Variants in ANKRD44 observed in about 807,000 individuals in gnomAD.
ANKRD44 encodes ankyrin repeat domain 44, also known as serine/threonine-protein phosphatase 6 regulatory ankyrin repeat subunit B.
A neutral mutation model predicts 116.0 loss-of-function variants in ANKRD44; 35 were observed. The observed-to-expected ratio is 0.30, with a 90% CI of 0.23 to 0.40. ANKRD44 has a LOEUF of 0.40. ANKRD44 is among the 10% of genes least tolerant of loss of function. The pLI, the probability that ANKRD44 is intolerant of heterozygous loss-of-function variation, is 1.00. For synonymous variants in ANKRD44, 435 were observed against 461.8 expected, an observed-to-expected ratio of 0.94 and a Z score of 0.74; for missense variants, 1,014 against 1,242.6, an observed-to-expected ratio of 0.82 and a Z score of 2.77.
At chr2:197,259,791 T>C (rs979833734) in intron 1 of ANKRD44, among the ~76,000 whole-genome samples, 1 of 152,196 alleles carries the variant, frequency 6.6e-6, no homozygotes, top group African/African-American at 2.4e-5. Flanking sequence ...AAAATGCTAA[T>C]GTATCTCCTG....
chr2:197,006,088 A>G (rs2076196683), intron 20 of ANKRD44, among the ~76,000 whole-genome samples, 178 bp from the exon 21 acceptor site: 1 of 151,802 alleles, frequency 6.6e-6, no homozygotes, highest in Non-Finnish European at 1.5e-5. Flanking sequence ...TTCATAACAG[A>G]AAAATCTGTG....
intron 2 of ANKRD44, among the ~76,000 whole-genome samples, chr2:197,172,518 G>A (rs1192053684): frequency 6.6e-6 from 1 of 152,078 alleles, no homozygotes; most frequent in Non-Finnish European, 1.5e-5. Flanking sequence ...CTGTGATCTT[G>A]GCTTACATGT....
intron 13 of ANKRD44, among the ~76,000 whole-genome samples, chr2:197,085,315 C>T (rs959241236): frequency 6.6e-6 from 1 of 152,072 alleles, no homozygotes; most frequent in African/African-American, 2.4e-5. Context: ...GAAAATGATA[C>T]CCAGTTCTTG....
chr2:197,293,622 A>AT (rs2083632848), intron 1 of ANKRD44, among the ~76,000 whole-genome samples: 4 of 152,200 alleles, frequency 2.6e-5, no homozygotes, highest in Admixed American at 2.6e-4. Flanking sequence ...AATTTTGGGG[A>AT]TGAGGGCATG....
chr2:197,028,751 T>G (rs1171830243), intron 16 of ANKRD44: 1 of 187,146 alleles, frequency 5.3e-6, no homozygotes, highest in Non-Finnish European at 1.1e-5. Flanking sequence ...AGCTTTCTTT[T>G]CTGCTGGTTT....
In ANKRD44 at chr2:196,968,255, C is replaced by T. The variant is rs569614039; in HGVS notation, c.2369-809G>A. 5.3e-4 allele frequency among the ~76,000 whole-genome samples: 80 copies of T among 152,218 alleles called. 1 individual carries two copies. Among genetic ancestry groups the T allele is most frequent in the East Asian group, 1.3e-3 (7 of 5,190 alleles). Reference sequence around the variant, plus strand: ...CAAATGTGGAAATGGAATTGGTTGACGGAAAATATTAGATTTCCTCAAGGA... The same window carrying T: ...CAAATGTGGAAATGGAATTGGTTGATGGAAAATATTAGATTTCCTCAAGGA... On this transcript the variant is annotated intron_variant, in intron 21 of 21. Coordinates refer to the ANKRD44 transcript ENST00000424317.
At chr2:197,271,732 C>G (rs983799225) in intron 1 of ANKRD44, among the ~76,000 whole-genome samples, 1 of 152,060 alleles carries the variant, frequency 6.6e-6, no homozygotes, top group Non-Finnish European at 1.5e-5. Flanking sequence ...CTACCTCAAC[C>G]TCCCTAGTAG....
chr2:197,208,332 C>T (rs533156206), intron 1 of ANKRD44, among the ~76,000 whole-genome samples: 1 of 152,286 alleles, frequency 6.6e-6, no homozygotes, highest in African/African-American at 2.4e-5. Context: ...TGATGATCCA[C>T]TCACCTCTCC....
chr2:197,126,070 GAC>G, intron 4 of ANKRD44, 33 bp from the exon 5 acceptor site: 2 of 1,609,338 alleles, frequency 1.2e-6, no homozygotes, highest in Non-Finnish European at 1.7e-6. Context: ...AGAGGTCACT[GAC>G]AGACGTTCAA....
At chr2:196,967,615 C>T (rs1027499079) in intron 21 of ANKRD44, among the ~76,000 whole-genome samples, 25 of 152,162 alleles carry the variant, frequency 1.6e-4, no homozygotes, top group Middle Eastern at 3.4e-3. Context: ...CAATGCAAAC[C>T]GGTACAAACT....
At chr2:197,092,960 A>C (rs529136160) in intron 10 of ANKRD44, among the ~76,000 whole-genome samples, 2 of 152,270 alleles carry the variant, frequency 1.3e-5, no homozygotes, top group Admixed American at 1.3e-4. Flanking sequence ...TTAAGGCAAA[A>C]CTATGTGATT....
chr2:197,103,742 CA>C (rs1427833376), intron 9 of ANKRD44, among the ~76,000 whole-genome samples: 1 of 151,894 alleles, frequency 6.6e-6, no homozygotes, highest in Non-Finnish European at 1.5e-5. Flanking sequence ...AATAGAAATA[CA>C]AAGAAGAAAA....
chr2:197,108,885 A>C, intron 9 of ANKRD44, among the ~76,000 whole-genome samples: 1 of 149,908 alleles, frequency 6.7e-6, no homozygotes, highest in African/African-American at 2.5e-5. Flanking sequence ...AACACAAATA[A>C]ACAAAAAAAG....
At chr2:197,303,048 G>A (rs561845758) in intron 1 of ANKRD44, among the ~76,000 whole-genome samples, 3 of 152,262 alleles carry the variant, frequency 2.0e-5, no homozygotes, top group African/African-American at 2.4e-5. Context: ...ACAGCCCCAG[G>A]GGTTCTGTGT....
At chr2:197,208,821 TAAAAA>T (rs1288774144) in intron 1 of ANKRD44, among the ~76,000 whole-genome samples, 1 of 151,568 alleles carries the variant, frequency 6.6e-6, no homozygotes, top group Admixed American at 6.6e-5. Flanking sequence ...AAATAAAAAA[TAAAAA>T]AAAGAATAGC....
At chr2:197,069,711 T>G (rs1473161913) in intron 16 of ANKRD44, among the ~76,000 whole-genome samples, 1 of 152,132 alleles carries the variant, frequency 6.6e-6, no homozygotes, top group Non-Finnish European at 1.5e-5. Flanking sequence ...CACATTGTTC[T>G]TTTTCAGAAT....
At chr2:197,227,735 G>A (rs188316738) in intron 1 of ANKRD44, among the ~76,000 whole-genome samples, 32 of 152,296 alleles carry the variant, frequency 2.1e-4, no homozygotes, top group Non-Finnish European at 3.8e-4. Flanking sequence ...CCTTGCTGTT[G>A]CCACTCATGG....
At chr2:197,033,301 G>A (rs1424457534) in intron 16 of ANKRD44, among the ~76,000 whole-genome samples, 1 of 152,166 alleles carries the variant, frequency 6.6e-6, no homozygotes, top group Non-Finnish European at 1.5e-5. Context: ...GATGATGATG[G>A]TGGTGGTGGT....
intron 3 of ANKRD44, among the ~76,000 whole-genome samples, chr2:197,146,312 AC>A (rs1204046232): frequency 6.6e-6 from 1 of 152,180 alleles, no homozygotes; most frequent in African/African-American, 2.4e-5. Flanking sequence ...AGAGGTAACC[AC>A]TAACCAGAAA....
Sources: gnomAD v4.1 joint callset for allele counts (sites outside exome capture counted in the v4.1 genomes callset) on GRCh38, gnomAD v4.1.1 for gene constraint, MANE v1.5 for transcripts, NCBI Gene and HGNC (gene_info 2026-07-23, HGNC 2026-07-21) for gene names.